The following MYO18B variants were observed in gnomAD, a reference collection of about 807,000 sequenced individuals.
The protein encoded by MYO18B is unconventional myosin-XVIIIb.
MYO18B carries 204 observed loss-of-function variants against 273.0 expected under a neutral mutation model. The observed-to-expected ratio is 0.75, with a 90% confidence interval of 0.67 to 0.84. The LOEUF is 0.84. Ranked by LOEUF, MYO18B falls within the 40% of genes least tolerant of loss-of-function variation. The pLI, the probability that MYO18B is intolerant of heterozygous loss-of-function variation, is 0.00. For missense variants in MYO18B, 3,212 were observed against 3,287.6 expected (o/e 0.98, Z 0.56); for synonymous variants, 1,330 against 1,305.7 (o/e 1.02, Z -0.40).
intron 39 of MYO18B, among the ~76,000 whole-genome samples, chr22:25,972,772 A>G (rs2093049161): frequency 6.6e-6 from 1 of 152,184 alleles, no homozygotes; most frequent in African/African-American, 2.4e-5. Flanking sequence ...CCTGGCCAAC[A>G]TGGCGAAACC....
At chr22:25,833,680 T>G (rs1216745202) in intron 16 of MYO18B, among the ~76,000 whole-genome samples, 1 of 152,222 alleles carries the variant, frequency 6.6e-6, no homozygotes, top group African/African-American at 2.4e-5. Flanking sequence ...TTACTTCACC[T>G]CTCTGAGCCT....
intron 40 of MYO18B, among the ~76,000 whole-genome samples, chr22:26,000,202 T>C (rs1569281745): frequency 6.6e-6 from 1 of 152,218 alleles, no homozygotes; most frequent in Non-Finnish European, 1.5e-5. Context: ...AGAGACACTT[T>C]CTTCACATGG....
chr22:25,786,278 C>T (rs904208900), intron 11 of MYO18B, among the ~76,000 whole-genome samples: 2 of 152,098 alleles, frequency 1.3e-5, no homozygotes, highest in Non-Finnish European at 2.9e-5. Flanking sequence ...TCAGAGGTTG[C>T]ATGAAATGCT....
chr22:25,763,925 G>A (rs2086415987), intron 3 of MYO18B, among the ~76,000 whole-genome samples: 1 of 152,194 alleles, frequency 6.6e-6, no homozygotes, highest in Admixed American at 6.5e-5. Context: ...TATTGAGTTG[G>A]TACTAACTGG....
intron 16 of MYO18B, among the ~76,000 whole-genome samples, 195 bp downstream of exon 16, chr22:25,833,192 A>G (rs1053258974): frequency 2.6e-5 from 4 of 152,204 alleles, no homozygotes; most frequent in African/African-American, 9.6e-5. Context: ...TGGCCTGAAC[A>G]GTGGAAATTT....
At chr22:25,941,711 G>C (rs1569215441) in intron 34 of MYO18B, among the ~76,000 whole-genome samples, 3 of 152,252 alleles carry the variant, frequency 2.0e-5, no homozygotes, top group African/African-American at 7.2e-5. Flanking sequence ...CATGAAGACA[G>C]CTTGTCAGCA....
At chr22:25,799,665 C>T (rs955525342) in intron 12 of MYO18B, among the ~76,000 whole-genome samples, 15 of 152,278 alleles carry the variant, frequency 9.9e-5, no homozygotes, top group East Asian at 3.9e-4. Flanking sequence ...GCATCCTTTC[C>T]GTCATCCCCA....
chr22:25,969,573 AG>A (rs965319077), intron 39 of MYO18B, among the ~76,000 whole-genome samples: 3 of 152,258 alleles, frequency 2.0e-5, no homozygotes, highest in African/African-American at 7.2e-5. Flanking sequence ...TGGCCTACAA[AG>A]TCCAAGATAT....
At chr22:25,919,119 G>A (rs561487457) in intron 33 of MYO18B, among the ~76,000 whole-genome samples, 4 of 151,896 alleles carry the variant, frequency 2.6e-5, no homozygotes, top group African/African-American at 7.2e-5. Context: ...TTGCCTCTCC[G>A]CCTTTGCTCA....
intron 40 of MYO18B, among the ~76,000 whole-genome samples, chr22:25,993,226 G>A (rs1347136413): frequency 6.6e-6 from 1 of 152,094 alleles, no homozygotes; most frequent in Non-Finnish European, 1.5e-5. Flanking sequence ...GGTCCAGGCT[G>A]TCCAACTCCT....
chr22:25,976,890 C>T (rs112283094), intron 39 of MYO18B, among the ~76,000 whole-genome samples: 8 of 152,208 alleles, frequency 5.3e-5, no homozygotes, highest in South Asian at 2.1e-4. Context: ...TCATTTGTTA[C>T]GAGGTGACGG....
intron 39 of MYO18B, among the ~76,000 whole-genome samples, chr22:25,992,111 C>A (rs980315344): frequency 6.6e-6 from 1 of 152,204 alleles, no homozygotes; most frequent in Non-Finnish European, 1.5e-5. Context: ...GGGAGCAGCA[C>A]CCCCTGCACA....
At chr22:26,039,596 T>C in the MYO18B span, among the ~76,000 whole-genome samples, 1 of 147,402 alleles carries the variant, frequency 6.8e-6, no homozygotes, top group Non-Finnish European at 1.5e-5. Flanking sequence ...CCTCCCTCTG[T>C]TTTTAGGTTT....
chr22:25,841,590 TC>T (rs2090083779), intron 17 of MYO18B, among the ~76,000 whole-genome samples: 1 of 151,806 alleles, frequency 6.6e-6, no homozygotes, highest in African/African-American at 2.4e-5. Flanking sequence ...AGTGTCATCT[TC>T]TAGAAACTAG....
intron 27 of MYO18B, chr22:25,894,835 G>T (rs188433207): frequency 2.7e-5 from 5 of 185,272 alleles, no homozygotes; most frequent in Non-Finnish European, 5.6e-5. Context: ...TGCCCTTAAG[G>T]ATTATGAAAT....
chr22:25,771,649 C>A (rs1485445810), intron 6 of MYO18B, among the ~76,000 whole-genome samples: 7 of 152,254 alleles, frequency 4.6e-5, no homozygotes, highest in African/African-American at 1.7e-4. Flanking sequence ...GGCTTTCTCT[C>A]CCGCGTTGGG....
At chr22:25,782,278 T>C (rs927277388) in intron 10 of MYO18B, among the ~76,000 whole-genome samples, 2 of 152,240 alleles carry the variant, frequency 1.3e-5, no homozygotes, top group Non-Finnish European at 2.9e-5. Flanking sequence ...GGCATGTCAG[T>C]ACTGGCCCTG....
chr22:25,775,261 C>T (rs550805882), intron 7 of MYO18B, among the ~76,000 whole-genome samples: 111 of 152,328 alleles, frequency 7.3e-4, no homozygotes, highest in African/African-American at 2.5e-3. Flanking sequence ...CTACATCTGG[C>T]ATCAGGATAG....
At chr22:25,885,650 A>G (rs1386415427) in intron 25 of MYO18B, among the ~76,000 whole-genome samples, 1 of 152,126 alleles carries the variant, frequency 6.6e-6, no homozygotes, top group Non-Finnish European at 1.5e-5. Context: ...GGAGAATCAC[A>G]TTCGAGGTTT....
Sources: allele counts gnomAD v4.1 joint callset (sites outside exome capture counted in the v4.1 genomes callset), GRCh38; gene constraint gnomAD v4.1.1; transcripts MANE v1.5; gene names NCBI Gene and HGNC (gene_info 2026-07-23, HGNC 2026-07-21).